The following CNTN5 variants were observed in gnomAD, a reference collection of about 807,000 sequenced individuals.
The protein encoded by CNTN5 is contactin-5.
Under a neutral mutation model 129.1 loss-of-function variants are expected in CNTN5, and 77 were observed. The ratio of observed to expected loss-of-function variants is 0.60; its 90% CI spans 0.50 to 0.72. CNTN5 has a LOEUF of 0.72. Among genes scored for constraint, CNTN5 ranks in the 30% least tolerant of loss-of-function variants. The pLI is 0.00. For synonymous variants in CNTN5, 509 were observed against 465.6 expected, an observed-to-expected ratio of 1.09 and a Z score of -1.20; for missense variants, 1,478 against 1,328.8, an observed-to-expected ratio of 1.11 and a Z score of -1.75.
intron 13 of CNTN5, among the ~76,000 whole-genome samples, chr11:100,103,058 G>T (rs1222442637): frequency 1.3e-5 from 2 of 152,132 alleles, no homozygotes; most frequent in African/African-American, 2.4e-5. Flanking sequence ...TCTAACTTCT[G>T]ATTAAATGAA....
At chr11:100,337,213 C>A in intron 21 of CNTN5, 1 of 1,540,772 alleles carries the variant, frequency 6.5e-7, no homozygotes, top group Non-Finnish European at 8.9e-7. Flanking sequence ...CACTGTAGTT[C>A]CTCCAGAAAC....
chr11:99,488,563 A>C (rs1945912665), intron 2 of CNTN5, among the ~76,000 whole-genome samples: 1 of 151,988 alleles, frequency 6.6e-6, no homozygotes, highest in Non-Finnish European at 1.5e-5. Context: ...TCTTCAACCA[A>C]GAATCTTGCA....
At chr11:99,324,355 T>A (rs1035675210) in intron 1 of CNTN5, among the ~76,000 whole-genome samples, 12 of 152,132 alleles carry the variant, frequency 7.9e-5, no homozygotes, top group African/African-American at 2.7e-4. Flanking sequence ...ATTATGTCAA[T>A]AAGCATAAAT....
intron 1 of CNTN5, among the ~76,000 whole-genome samples, chr11:99,287,872 G>A (rs79046202): frequency 0.025 from 3,752 of 151,946 alleles, 328 homozygotes; most frequent in East Asian, 0.24. Flanking sequence ...GAGGAATAAA[G>A]GAGAAGAGGA....
intron 7 of CNTN5, among the ~76,000 whole-genome samples, chr11:99,947,604 T>A (rs1301767119): frequency 2.0e-5 from 3 of 152,196 alleles, no homozygotes; most frequent in South Asian, 2.1e-4. Context: ...CTCGTTATAA[T>A]AATTTATCTT....
intron 20 of CNTN5, among the ~76,000 whole-genome samples, chr11:100,302,912 A>G (rs577463944): frequency 6.6e-6 from 1 of 151,776 alleles, no homozygotes; most frequent in South Asian, 2.1e-4. Context: ...TCATTTGCAA[A>G]TGTTGATGCT....
chr11:99,581,337 G>A (rs1949582557), intron 3 of CNTN5, among the ~76,000 whole-genome samples: 1 of 148,188 alleles, frequency 6.7e-6, no homozygotes, highest in Admixed American at 6.7e-5. Context: ...TTCTGTAGAT[G>A]TCTATTAGGT....
intron 1 of CNTN5, among the ~76,000 whole-genome samples, chr11:99,322,329 G>T (rs1865607889): frequency 6.6e-6 from 1 of 152,130 alleles, no homozygotes. Flanking sequence ...CACCAATGAT[G>T]TATCACTTAG....
At chr11:99,640,143 C>T (rs1951717142) in intron 3 of CNTN5, among the ~76,000 whole-genome samples, 1 of 152,194 alleles carries the variant, frequency 6.6e-6, no homozygotes, top group Non-Finnish European at 1.5e-5. Context: ...AACTCTCCCA[C>T]ATTTTCCTGT....
rs571794623 is a variant in CNTN5, at chr11:100,293,249, A to G, written c.2315-4376A>G. ...CATTCATTTTGTACACTCACCTCCTATCTTCTTGACTATTGCCACTTACAA... is the reference window on the plus strand; with the variant it reads ...CATTCATTTTGTACACTCACCTCCTGTCTTCTTGACTATTGCCACTTACAA... On this transcript the variant is annotated intron_variant, in intron 18 of 24. Coordinates refer to ENST00000524871, the MANE Select transcript of CNTN5 (RefSeq NM_014361.4). Among the ~76,000 whole-genome samples the G allele has an allele frequency of 2.7e-4, 41 of 151,970 alleles. No homozygotes were observed. In the South Asian group the frequency reaches 8.5e-3, roughly 31 times the overall value.
chr11:99,942,072 C>T (rs1950451057), intron 7 of CNTN5, among the ~76,000 whole-genome samples: 1 of 152,050 alleles, frequency 6.6e-6, no homozygotes, highest in South Asian at 2.1e-4. Flanking sequence ...TAATAATACC[C>T]ATTAGCAATT....
chr11:99,270,764 A>G (rs952457815), intron 1 of CNTN5, among the ~76,000 whole-genome samples: 10 of 152,028 alleles, frequency 6.6e-5, no homozygotes, highest in Non-Finnish European at 1.3e-4. Flanking sequence ...AAATAATACT[A>G]ATTCCAAATC....
chr11:99,227,063 A>C (rs2135717514), intron 1 of CNTN5, among the ~76,000 whole-genome samples: 1 of 152,318 alleles, frequency 6.6e-6, no homozygotes, highest in Non-Finnish European at 1.5e-5. Flanking sequence ...AACAGCTCTT[A>C]AAATTATGAT....
chr11:99,513,019 A>G (rs1188684717), intron 2 of CNTN5, among the ~76,000 whole-genome samples: 1 of 152,176 alleles, frequency 6.6e-6, no homozygotes, highest in Admixed American at 6.6e-5. Context: ...CCAAACAGTT[A>G]GCCAAGTTCC....
chr11:100,123,033 A>G (rs1221867845), intron 13 of CNTN5, among the ~76,000 whole-genome samples: 1 of 151,964 alleles, frequency 6.6e-6, no homozygotes, highest in African/African-American at 2.4e-5. Flanking sequence ...ATTAATCAGA[A>G]CTGTGAATTT....
intron 2 of CNTN5, among the ~76,000 whole-genome samples, chr11:99,479,525 A>T (rs1322302483): frequency 6.6e-6 from 1 of 152,094 alleles, no homozygotes; most frequent in Non-Finnish European, 1.5e-5. Flanking sequence ...TTGAAGGTAG[A>T]TGAAACTTAA....
chr11:100,069,094 C>T (rs529918520), intron 10 of CNTN5, among the ~76,000 whole-genome samples: 90 of 152,230 alleles, frequency 5.9e-4, no homozygotes, highest in Non-Finnish European at 9.4e-4. Context: ...GCTTTGGTTT[C>T]GGACATCTGC....
intron 18 of CNTN5, among the ~76,000 whole-genome samples, chr11:100,284,909 A>C (rs980668930): frequency 6.6e-5 from 10 of 152,230 alleles, no homozygotes; most frequent in African/African-American, 1.9e-4. Context: ...GAAAGGTTGG[A>C]GTTTCAACCT....
intron 13 of CNTN5, among the ~76,000 whole-genome samples, chr11:100,126,247 AT>A (rs1225073139): frequency 6.6e-6 from 1 of 152,128 alleles, no homozygotes; most frequent in Non-Finnish European, 1.5e-5. Context: ...CCACGTGCAG[AT>A]GAAAAGAATT....
Sources: allele counts gnomAD v4.1 joint callset (sites outside exome capture counted in the v4.1 genomes callset), GRCh38; gene constraint gnomAD v4.1.1; transcripts MANE v1.5; gene names NCBI Gene and HGNC (gene_info 2026-07-23, HGNC 2026-07-21).